ULK4: variants seen among roughly 807,000 people sequenced by gnomAD.
ULK4 encodes the protein unc-51 like kinase 4.
ULK4 carries 133 observed loss-of-function variants against 160.6 expected under a neutral mutation model. That is an observed-to-expected ratio of 0.83 (90% confidence interval 0.72 to 0.96). The LOEUF (loss-of-function observed/expected upper bound fraction) is 0.96, where lower values mean the gene tolerates loss of function less well. Ranked by LOEUF, ULK4 falls within the 40% of genes least tolerant of loss-of-function variation. The pLI is 0.00. For synonymous variants in ULK4, 534 were observed against 539.8 expected (o/e 0.99, Z 0.15); for missense variants, 1,580 against 1,499.5 (o/e 1.05, Z -0.89).
chr3:41,568,963 T>C (rs986232521), intron 31 of ULK4, among the ~76,000 whole-genome samples: 1 of 152,168 alleles, frequency 6.6e-6, no homozygotes, highest in African/African-American at 2.4e-5. Flanking sequence ...CTTCAATTAA[T>C]TTACTAGAGT....
chr3:41,519,352 C>A (rs1238019485), intron 32 of ULK4, among the ~76,000 whole-genome samples: 1 of 152,224 alleles, frequency 6.6e-6, no homozygotes, highest in Admixed American at 6.5e-5. Context: ...AACCAAACAT[C>A]CTAGCATCTT....
In ULK4 at chr3:41,398,188, T is replaced by C. The variant is rs2125814816; in HGVS notation, c.3569A>G (p.Glu1190Gly). 6.2e-7 allele frequency: 1 copy of C among 1,613,442 alleles called. No individual in the cohort carries two copies. Among genetic ancestry groups the C allele is most frequent in the East Asian group, 2.2e-5 (1 of 44,842 alleles). Residue 1190 changes from glutamate (E) to glycine (G), a missense_variant, in exon 35 of 37, where the codon GAA becomes GGA. Glu to Gly is a moderately conservative substitution (Grantham distance 98, BLOSUM62 -2). Transcript: ENST00000301831. ...TTCAGGAGAGAGGCTGTCCGGGTTT[T>C]CCCCTCCATACAGCTGAACCAGTAT... ...LSILVQLYGG[E>G]NPDSLSPENV...
chr3:41,343,895 G>A (rs1006779920), intron 35 of ULK4, among the ~76,000 whole-genome samples: 1 of 152,110 alleles, frequency 6.6e-6, no homozygotes, highest in South Asian at 2.1e-4. Context: ...TGGATAGGAA[G>A]AATCAATATT....
At chr3:41,947,183 C>G (rs374551678) in intron 2 of ULK4, among the ~76,000 whole-genome samples, 4 of 151,998 alleles carry the variant, frequency 2.6e-5, no homozygotes, top group Non-Finnish European at 5.9e-5. Flanking sequence ...AAAAATTAGC[C>G]GGGCATAGTC....
chr3:41,909,755 A>C (rs1698711502), intron 11 of ULK4, among the ~76,000 whole-genome samples: 1 of 152,118 alleles, frequency 6.6e-6, no homozygotes, highest in Admixed American at 6.5e-5. Context: ...AAAATGTGTA[A>C]AATGTATATA....
intron 32 of ULK4, among the ~76,000 whole-genome samples, chr3:41,506,039 A>C (rs1403372413): frequency 2.0e-5 from 3 of 152,218 alleles, no homozygotes; most frequent in African/African-American, 7.2e-5. Flanking sequence ...AAATGCATTT[A>C]CTGTAGTGTT....
chr3:41,500,964 GT>G (rs2085182394), intron 32 of ULK4, among the ~76,000 whole-genome samples: 1 of 152,096 alleles, frequency 6.6e-6, no homozygotes. Flanking sequence ...TTTATACATT[GT>G]TTTAAGGTCT....
intron 19 of ULK4, among the ~76,000 whole-genome samples, chr3:41,801,762 G>A (rs9817837): frequency 0.055 from 8,376 of 151,724 alleles, 414 homozygotes; most frequent in East Asian, 0.16. Flanking sequence ...GAGGTGGGAG[G>A]ATCACTTGAG....
At position 41,510,073 on chromosome 3, in the gene ULK4, G is replaced by A. The variant is rs977760470; in HGVS notation, c.3227-46820C>T. 4.6e-5 allele frequency among the ~76,000 whole-genome samples: 7 copies of A among 152,184 alleles called. No individual in the cohort carries two copies. The East Asian group carries it at 1.3e-3, about 29-fold the overall frequency. On this transcript the variant is annotated intron_variant, in intron 32 of 36. Coordinates refer to ENST00000301831, the MANE Select transcript of ULK4 (RefSeq NM_017886.4). ...AAAATTCACCAAACAAATTTCTGCTGTCTTCAGGAGAGTCACCTAACACAT... is the reference window on the plus strand; with the variant it reads ...AAAATTCACCAAACAAATTTCTGCTATCTTCAGGAGAGTCACCTAACACAT...
At chr3:41,362,774 C>T (rs2081172653) in intron 35 of ULK4, among the ~76,000 whole-genome samples, 2 of 152,212 alleles carry the variant, frequency 1.3e-5, no homozygotes, top group African/African-American at 4.8e-5. Context: ...AAAACTGTTT[C>T]CCAGTCTATA....
chr3:41,594,539 AAAAAT>A (rs1008097924), intron 31 of ULK4, among the ~76,000 whole-genome samples: 4 of 152,134 alleles, frequency 2.6e-5, no homozygotes, highest in African/African-American at 4.8e-5. Context: ...CTCTATCTCT[AAAAAT>A]AAAATAAAAT....
At chr3:41,297,222 C>T (rs945512964) in intron 35 of ULK4, among the ~76,000 whole-genome samples, 2 of 152,212 alleles carry the variant, frequency 1.3e-5, no homozygotes, top group Non-Finnish European at 2.9e-5. Context: ...CATCTATTTA[C>T]TGTGCATGGG....
In ULK4 at chr3:41,750,820, T is replaced by C. The variant is rs548506065; in HGVS notation, c.2321+3541A>G. ...GCCTGACCAACATAGTGAAACCCTG[T>C]CTCTACTAAAAATACAAAAATTAGC... On this transcript the variant is annotated intron_variant, in intron 22 of 36. Coordinates refer to ENST00000301831, the MANE Select transcript of ULK4 (RefSeq NM_017886.4). 1.4e-3 allele frequency among the ~76,000 whole-genome samples: 208 copies of C among 151,744 alleles called. 1 individual carries two copies. Among genetic ancestry groups the C allele is most frequent in the Admixed American group, 3.7e-3 (57 of 15,240 alleles).
chr3:41,856,563 A>G (rs2042354950), intron 17 of ULK4, among the ~76,000 whole-genome samples: 1 of 35,976 alleles, frequency 2.8e-5, no homozygotes, highest in South Asian at 1.5e-3. Context: ...ATATATATAC[A>G]CATATATATA....
intron 35 of ULK4, among the ~76,000 whole-genome samples, chr3:41,264,574 C>T (rs1474734112): frequency 6.6e-6 from 1 of 152,084 alleles, no homozygotes; most frequent in Non-Finnish European, 1.5e-5. Context: ...GCCTCATCAA[C>T]CATATGGAAA....
intron 17 of ULK4, among the ~76,000 whole-genome samples, chr3:41,855,578 T>C (rs2042316882): frequency 6.6e-6 from 1 of 152,232 alleles, no homozygotes; most frequent in Non-Finnish European, 1.5e-5. Context: ...AGTTATGGCA[T>C]AGAGAACTCC....
At chr3:41,757,043 GA>G (rs932004076) in intron 21 of ULK4, among the ~76,000 whole-genome samples, 15 of 133,116 alleles carry the variant, frequency 1.1e-4, no homozygotes, top group African/African-American at 2.3e-4. Flanking sequence ...ACACTATAAA[GA>G]AAAAAACCAC....
At chr3:41,425,453 A>C (rs966181323) in intron 34 of ULK4, among the ~76,000 whole-genome samples, 5 of 152,180 alleles carry the variant, frequency 3.3e-5, no homozygotes, top group African/African-American at 1.2e-4. Flanking sequence ...AGAGAATCCC[A>C]GTAAGATATT....
intron 31 of ULK4, among the ~76,000 whole-genome samples, chr3:41,603,451 C>T (rs978807921): frequency 1.3e-5 from 2 of 152,026 alleles, no homozygotes; most frequent in Admixed American, 6.6e-5. Flanking sequence ...GAAAGAAAAT[C>T]GGCAAAGATA....
Sources: allele counts gnomAD v4.1 joint callset (sites outside exome capture counted in the v4.1 genomes callset), GRCh38; gene constraint gnomAD v4.1.1; transcripts MANE v1.5; gene names NCBI Gene and HGNC (gene_info 2026-07-23, HGNC 2026-07-21).